The following DTHD1 variants were observed in gnomAD, a reference collection of about 807,000 sequenced individuals.
The protein encoded by DTHD1 is death domain containing 1.
Under a neutral mutation model 74.8 loss-of-function variants are expected in DTHD1, and 59 were observed. The ratio of observed to expected loss-of-function variants is 0.79; its 90% CI spans 0.64 to 0.98. The LOEUF (loss-of-function observed/expected upper bound fraction) is 0.98, where lower values mean the gene tolerates loss of function less well. Among genes scored for constraint, DTHD1 ranks in the 50% least tolerant of loss-of-function variants. DTHD1 has a pLI of 0.00. For missense variants in DTHD1, 1,051 were observed against 1,065.4 expected, an observed-to-expected ratio of 0.99 and a Z score of 0.19; for synonymous variants, 365 against 371.1, an observed-to-expected ratio of 0.98 and a Z score of 0.19.
intron 8 of DTHD1, among the ~76,000 whole-genome samples, chr4:36,327,784 T>C (rs964227997): frequency 6.6e-6 from 1 of 152,242 alleles, no homozygotes; most frequent in Non-Finnish European, 1.5e-5. Context: ...ATATATTCCA[T>C]TTATATTTTC....
At chr4:36,322,581 A>G (rs950456093) in intron 8 of DTHD1, among the ~76,000 whole-genome samples, 1 of 152,032 alleles carries the variant, frequency 6.6e-6, no homozygotes, top group Non-Finnish European at 1.5e-5. Flanking sequence ...CACGCATTTC[A>G]AGTCAAGGAC....
chr4:36,340,897 A>G (rs942660050), intron 9 of DTHD1, among the ~76,000 whole-genome samples: 1 of 152,070 alleles, frequency 6.6e-6, no homozygotes, highest in Non-Finnish European at 1.5e-5. Flanking sequence ...GGGGAAAAGA[A>G]TATTGGAAGG....
At chr4:36,342,373 T>G (rs954265438) in intron 9 of DTHD1, among the ~76,000 whole-genome samples, 1 of 151,972 alleles carries the variant, frequency 6.6e-6, no homozygotes, top group Non-Finnish European at 1.5e-5. Context: ...GGAAGGCAGA[T>G]GGAATGCTTG....
At chr4:36,335,020 G>T (rs560374449) in intron 8 of DTHD1, among the ~76,000 whole-genome samples, 1 of 152,238 alleles carries the variant, frequency 6.6e-6, no homozygotes, top group Non-Finnish European at 1.5e-5. Context: ...ATTGGGGAGG[G>T]AAAACAACAT....
intron 3 of DTHD1, 129 bp downstream of exon 3, chr4:36,290,832 G>T (rs184147654): frequency 1.3e-6 from 1 of 761,216 alleles, no homozygotes; most frequent in East Asian, 2.7e-5. Context: ...TTGAATTTGT[G>T]CCAGTGCGTT....
intron 7 of DTHD1, among the ~76,000 whole-genome samples, chr4:36,314,352 C>G (rs1757572457): frequency 6.6e-6 from 1 of 151,960 alleles, no homozygotes; most frequent in African/African-American, 2.4e-5. Context: ...CTTACAATAA[C>G]CGAAGGAAGT....
At position 36,308,198 on chromosome 4, in the gene DTHD1, A is replaced by G; in HGVS notation, c.1806-6A>G. The G allele has an allele frequency of 6.4e-7, 1 of 1,550,552 alleles. No homozygotes were observed. The highest frequency in any genetic ancestry group is 8.7e-7 in the Non-Finnish European group (1 of 1,145,950). On this transcript the variant is annotated splice_polypyrimidine_tract_variant and splice_region_variant and intron_variant, in intron 6 of 9. Coordinates refer to ENST00000639862, the MANE Select transcript of DTHD1 (RefSeq NM_001170700.3). Reference sequence around the variant, plus strand: ...CCCTGGGGTCTCACCTCTTTCTTCCATGCAGGTTTATTGTACTTCACCTCT... The same window carrying G: ...CCCTGGGGTCTCACCTCTTTCTTCCGTGCAGGTTTATTGTACTTCACCTCT...
chr4:36,331,363 C>T (rs186929653), intron 8 of DTHD1, among the ~76,000 whole-genome samples: 87 of 152,084 alleles, frequency 5.7e-4, no homozygotes, highest in South Asian at 1.7e-3. Context: ...TTGCTTATGG[C>T]GACGCTTACT....
At chr4:36,332,127 G>A (rs1209327928) in intron 8 of DTHD1, among the ~76,000 whole-genome samples, 2 of 151,938 alleles carry the variant, frequency 1.3e-5, no homozygotes, top group Non-Finnish European at 2.9e-5. Context: ...AGAGGTTGCA[G>A]TGAGTCGAGA....
intron 3 of DTHD1, among the ~76,000 whole-genome samples, chr4:36,292,230 A>G (rs1047418209): frequency 2.6e-5 from 4 of 152,208 alleles, no homozygotes; most frequent in Non-Finnish European, 5.9e-5. Flanking sequence ...AACTATCACA[A>G]TACAAGCAAA....
chr4:36,284,440 A>G lies in DTHD1; in HGVS notation c.736A>G (p.Thr246Ala), dbSNP rs184173479. ...REETHGIIQT[T>A]ETEIQETSES... ...AGAGACTCATGGCATAATTCAGACA[A>G]CAGAGACAGAAATTCAAGAGACTTC... The change falls in exon 2 of 10, where the codon ACA becomes GCA. Residue 246 changes from threonine to alanine, a missense_variant. Physicochemically the swap from Thr to Ala is moderately conservative, Grantham distance 58 (BLOSUM62 0). Transcript: ENST00000639862. 8.7e-5 allele frequency: 133 copies of G among 1,537,162 alleles called. No homozygotes were observed. The African/African-American group carries it at 1.6e-3, about 19-fold the overall frequency.
chr4:36,300,369 G>C (rs752298015), intron 5 of DTHD1, among the ~76,000 whole-genome samples: 2 of 152,168 alleles, frequency 1.3e-5, no homozygotes, highest in Admixed American at 6.5e-5. Flanking sequence ...AGGACTGACA[G>C]TGTCATGTTC....
intron 7 of DTHD1, among the ~76,000 whole-genome samples, chr4:36,312,594 A>T (rs1757469407): frequency 1.3e-5 from 2 of 152,054 alleles, no homozygotes; most frequent in African/African-American, 4.8e-5. Flanking sequence ...TTAAAAAAAA[A>T]AAAAAGTCTC....
intron 7 of DTHD1, among the ~76,000 whole-genome samples, chr4:36,312,773 G>A (rs1179543262): frequency 6.6e-6 from 1 of 152,212 alleles, no homozygotes; most frequent in African/African-American, 2.4e-5. Flanking sequence ...GGGAGATGAG[G>A]TGAGAACTGA....
rs887902695 is a variant in DTHD1 at position 36,290,508 on chromosome 4, G to A, written c.1023G>A (p.Glu341=). The A allele has an allele frequency of 1.3e-6, 2 of 1,551,564 alleles. No homozygotes were observed. Among genetic ancestry groups the A allele is most frequent in the African/African-American group, 2.7e-5 (2 of 73,040 alleles). Reference sequence around the variant, plus strand: ...CTTTAATAGTGGGTGATAATGAAGAGTTAGTTAGCAACGTCATAACTATTG... The same window carrying A: ...CTTTAATAGTGGGTGATAATGAAGAATTAGTTAGCAACGTCATAACTATTG... ...MSSLIVGDNE[E]LVSNVITIEC... Residue 341 remains glutamate, a synonymous_variant, in exon 3 of 10, where the codon GAG becomes GAA. Transcript: ENST00000639862.
intron 8 of DTHD1, among the ~76,000 whole-genome samples, chr4:36,320,287 G>C (rs1757972677): frequency 6.6e-6 from 1 of 152,132 alleles, no homozygotes; most frequent in East Asian, 1.9e-4. Flanking sequence ...CCAAAATTGA[G>C]AATGCATGCA....
At chr4:36,333,631 C>A in intron 8 of DTHD1, 1 of 152,470 alleles carries the variant, frequency 6.6e-6, no homozygotes, top group Non-Finnish European at 1.5e-5. Flanking sequence ...AGCAGTAGGG[C>A]AGCAGCTGTG....
intron 8 of DTHD1, among the ~76,000 whole-genome samples, chr4:36,324,987 G>A (rs866186555): frequency 6.6e-6 from 1 of 152,156 alleles, no homozygotes; most frequent in African/African-American, 2.4e-5. Flanking sequence ...TCACACAAGA[G>A]AGATGGCATG....
At position 36,294,970 on chromosome 4, in the gene DTHD1, G is replaced by A. The variant is rs767042064; in HGVS notation, c.1574G>A (p.Gly525Asp). The A allele has an allele frequency of 1.9e-6, 3 of 1,551,290 alleles. No individual in the cohort carries two copies. The highest frequency in any genetic ancestry group is 2.6e-6 in the Non-Finnish European group (3 of 1,146,528). The change falls in exon 5 of 10, where the codon GGT becomes GAT. Residue 525 changes from glycine (G) to aspartate (D), a missense_variant. Transcript: ENST00000639862. Reference protein sequence around the residue: ...CSPYLDKNNLGSEIDHKRRAS... With the variant: ...CSPYLDKNNLDSEIDHKRRAS... ...CCATACCTTGATAAAAACAACCTTG[G>A]TTCTGAGATAGATCATAAAAGAAGA...
Sources: allele counts gnomAD v4.1 joint callset (sites outside exome capture counted in the v4.1 genomes callset), GRCh38; gene constraint gnomAD v4.1.1; transcripts MANE v1.5; gene names NCBI Gene and HGNC (gene_info 2026-07-23, HGNC 2026-07-21).